ATP8B4: variants seen among roughly 807,000 people sequenced by gnomAD.
ATP8B4 encodes the protein probable phospholipid-transporting ATPase IM.
Under a neutral mutation model 145.6 loss-of-function variants are expected in ATP8B4, and 133 were observed. The observed-to-expected ratio is 0.91, with a 90% confidence interval of 0.79 to 1.05. The LOEUF (loss-of-function observed/expected upper bound fraction) is 1.05. Ranked by LOEUF, ATP8B4 falls within the 50% of genes least tolerant of loss-of-function variation. The probability of loss-of-function intolerance (pLI) is 0.00; values close to 1 mark genes in which losing one functional copy is unlikely to be tolerated. For missense variants in ATP8B4, 1,458 were observed against 1,425.2 expected, an observed-to-expected ratio of 1.02 and a Z score of -0.37; for synonymous variants, 507 against 492.9, an observed-to-expected ratio of 1.03 and a Z score of -0.38.
intron 3 of ATP8B4, among the ~76,000 whole-genome samples, chr15:50,054,470 A>G (rs2052429736): frequency 6.6e-6 from 1 of 152,214 alleles, no homozygotes. Context: ...AGTAAGAGAC[A>G]TATCTACTAG....
chr15:49,955,644 A>G (rs2043494020), intron 14 of ATP8B4, among the ~76,000 whole-genome samples: 1 of 152,222 alleles, frequency 6.6e-6, no homozygotes. Flanking sequence ...ATAGACAAAC[A>G]GATAAGGGAA....
At chr15:50,071,677 T>G (rs909220229) in intron 3 of ATP8B4, among the ~76,000 whole-genome samples, 4 of 152,212 alleles carry the variant, frequency 2.6e-5, no homozygotes, top group African/African-American at 4.8e-5. Context: ...AGTCTGGTGT[T>G]CACCAGGAGA....
intron 3 of ATP8B4, among the ~76,000 whole-genome samples, chr15:50,071,177 C>T (rs2053709804): frequency 6.6e-6 from 1 of 152,154 alleles, no homozygotes; most frequent in South Asian, 2.1e-4. Flanking sequence ...TGCTTTTGTT[C>T]AATATCATGA....
At chr15:50,042,625 T>C (rs1722546092) in intron 5 of ATP8B4, among the ~76,000 whole-genome samples, 1 of 152,214 alleles carries the variant, frequency 6.6e-6, no homozygotes, top group Non-Finnish European at 1.5e-5. Flanking sequence ...TTGTTGTTCA[T>C]GAACATGACC....
rs149899393 is a variant in ATP8B4 at position 50,039,452 on chromosome 15, T to C, written c.301-623A>G. On this transcript the variant is annotated intron_variant, in intron 5 of 27. Transcript: ENST00000284509. ...CAGTAATGTAAGCATCTTATATAGCTTGAAAGAATCTCAATATTAAGAGCT... is the reference window on the plus strand; with the variant it reads ...CAGTAATGTAAGCATCTTATATAGCCTGAAAGAATCTCAATATTAAGAGCT... Among the ~76,000 whole-genome samples, 38 of 152,326 alleles carry C rather than the reference T, an allele frequency of 2.5e-4. 1 individual carries two copies. The highest frequency in any genetic ancestry group is 8.7e-4 in the African/African-American group (36 of 41,578).
At chr15:50,038,896 T>C (rs1250641669) in intron 5 of ATP8B4, 67 bp from the exon 6 acceptor site, 17 of 1,351,268 alleles carry the variant, frequency 1.3e-5, no homozygotes, top group Non-Finnish European at 1.8e-5. Context: ...ATAAGCACAC[T>C]GGCAATACTT....
chr15:49,916,397 C>T (rs2039743260), intron 20 of ATP8B4, among the ~76,000 whole-genome samples: 1 of 152,112 alleles, frequency 6.6e-6, no homozygotes, highest in Non-Finnish European at 1.5e-5. Flanking sequence ...TCAATAGTAA[C>T]TACATCAAAA....
chr15:49,893,962 T>C (rs2037110732), intron 23 of ATP8B4, among the ~76,000 whole-genome samples: 1 of 152,218 alleles, frequency 6.6e-6, no homozygotes, highest in African/African-American at 2.4e-5. Context: ...CCCTGCTTGT[T>C]AGTGTCAACA....
chr15:50,174,046 A>G (rs1199556963), intron 1 of ATP8B4, among the ~76,000 whole-genome samples: 3 of 152,200 alleles, frequency 2.0e-5, no homozygotes, highest in African/African-American at 7.2e-5. Flanking sequence ...CAAAAATCAC[A>G]TGATCATCTC....
intron 13 of ATP8B4, among the ~76,000 whole-genome samples, chr15:49,972,121 G>T (rs2045205304): frequency 6.6e-6 from 1 of 152,080 alleles, no homozygotes; most frequent in Admixed American, 6.6e-5. Flanking sequence ...AGGGAGTGTT[G>T]GGACGTGGGA....
intron 1 of ATP8B4, among the ~76,000 whole-genome samples, chr15:50,154,464 G>C (rs547683704): frequency 6.6e-6 from 1 of 151,430 alleles, no homozygotes; most frequent in Non-Finnish European, 1.5e-5. Flanking sequence ...ACATATTTTT[G>C]GTACACTTAT....
chr15:49,979,044 T>C (rs991389241), intron 12 of ATP8B4, among the ~76,000 whole-genome samples: 7 of 152,260 alleles, frequency 4.6e-5, no homozygotes, highest in African/African-American at 1.7e-4. Flanking sequence ...GAAAAGCTAA[T>C]ATTCATTAAG....
At chr15:50,163,364 T>C (rs775890832) in intron 1 of ATP8B4, among the ~76,000 whole-genome samples, 4 of 152,388 alleles carry the variant, frequency 2.6e-5, no homozygotes, top group African/African-American at 4.8e-5. Context: ...CCCAGTAACG[T>C]TGTGACTCTT....
intron 1 of ATP8B4, among the ~76,000 whole-genome samples, chr15:50,135,528 C>A (rs915091983): frequency 6.6e-6 from 1 of 152,184 alleles, no homozygotes; most frequent in African/African-American, 2.4e-5. Context: ...TTTATGTGCA[C>A]ATATGGCCAC....
chr15:50,044,531 T>C (rs1262237056), intron 5 of ATP8B4, 63 bp downstream of exon 5: 10 of 1,147,626 alleles, frequency 8.7e-6, no homozygotes, highest in Non-Finnish European at 1.0e-5. Context: ...ATCTTCATTA[T>C]CTATTTCTGA....
intron 7 of ATP8B4, among the ~76,000 whole-genome samples, chr15:50,003,382 G>A (rs2048059593): frequency 6.6e-6 from 1 of 151,596 alleles, no homozygotes; most frequent in South Asian, 2.1e-4. Context: ...AAGAATAAGT[G>A]GGTTTGCATT....
intron 1 of ATP8B4, among the ~76,000 whole-genome samples, chr15:50,132,127 A>C (rs2044056625): frequency 6.6e-6 from 1 of 152,170 alleles, no homozygotes. Flanking sequence ...GAAAATAAAC[A>C]AGTTATTGGC....
At chr15:50,051,577 C>T (rs1418861882) in intron 3 of ATP8B4, among the ~76,000 whole-genome samples, 2 of 152,100 alleles carry the variant, frequency 1.3e-5, no homozygotes, top group Non-Finnish European at 2.9e-5. Flanking sequence ...AGTTAACACA[C>T]TGCAAAATAG....
chr15:50,156,928 C>T (rs2044429250), intron 1 of ATP8B4, among the ~76,000 whole-genome samples: 1 of 152,110 alleles, frequency 6.6e-6, no homozygotes, highest in Non-Finnish European at 1.5e-5. Flanking sequence ...CTTGTATCTA[C>T]CATTTAGTGT....
Sources: gnomAD v4.1 joint callset for allele counts (sites outside exome capture counted in the v4.1 genomes callset) on GRCh38, gnomAD v4.1.1 for gene constraint, MANE v1.5 for transcripts, NCBI Gene and HGNC (gene_info 2026-07-23, HGNC 2026-07-21) for gene names.